Variants in CASR observed in about 807,000 individuals in gnomAD.
CASR encodes calcium sensing receptor.
A neutral mutation model predicts 69.1 loss-of-function variants in CASR; 23 were observed. The ratio of observed to expected loss-of-function variants is 0.33; its 90% CI spans 0.24 to 0.47. The LOEUF (loss-of-function observed/expected upper bound fraction) is 0.47. Among genes scored for constraint, CASR ranks in the 20% least tolerant of loss-of-function variants. The pLI is 1.00. For missense variants in CASR, 924 were observed against 1,356.1 expected (o/e 0.68, Z 5.00); for synonymous variants, 541 against 544.7 (o/e 0.99, Z 0.10).
At chr3:122,263,503 C>T (rs1443029766) in intron 4 of CASR, among the ~76,000 whole-genome samples, 2 of 152,158 alleles carry the variant, frequency 1.3e-5, no homozygotes, top group African/African-American at 2.4e-5. Context: ...TCTAATTAAT[C>T]CATGAATTAG....
intron 6 of CASR, among the ~76,000 whole-genome samples, chr3:122,282,867 C>T (rs1253443761): frequency 6.6e-6 from 1 of 152,224 alleles, no homozygotes; most frequent in Admixed American, 6.5e-5. Flanking sequence ...GAAACTGAGG[C>T]TCTGAGAGGT....
At chr3:122,241,828 A>G (rs1346992646) in intron 1 of CASR, among the ~76,000 whole-genome samples, 1 of 152,178 alleles carries the variant, frequency 6.6e-6, no homozygotes, top group Admixed American at 6.5e-5. Flanking sequence ...AATATCATTC[A>G]TCATGACCAA....
intron 1 of CASR, among the ~76,000 whole-genome samples, chr3:122,242,551 C>A (rs2074388344): frequency 1.3e-5 from 2 of 152,090 alleles, no homozygotes; most frequent in African/African-American, 4.8e-5. Flanking sequence ...GAAATATATT[C>A]CATATTCATG....
At chr3:122,192,434 C>A (rs1026729579) in intron 1 of CASR, among the ~76,000 whole-genome samples, 1 of 152,166 alleles carries the variant, frequency 6.6e-6, no homozygotes, top group Non-Finnish European at 1.5e-5. Flanking sequence ...TAAATAGCAA[C>A]AAAACATCAG....
chr3:122,237,220 C>G (rs533249986), intron 1 of CASR, among the ~76,000 whole-genome samples: 1 of 150,136 alleles, frequency 6.7e-6, no homozygotes, highest in Non-Finnish European at 1.5e-5. Flanking sequence ...AGCGATTCTT[C>G]TGCCTCAGCC....
At position 122,261,558 on chromosome 3, in the gene CASR, A is replaced by G. The variant is rs2107631742; in HGVS notation, c.523A>G (p.Ser175Gly). Reference protein sequence around the residue: ...VSYASSSRLLSNKNQFKSFLR... With the variant: ...VSYASSSRLLGNKNQFKSFLR... ...TTATGCCTCCTCCAGCAGACTCCTC[A>G]GCAACAAGAATCAATTCAAGTCTTT... Residue 175 changes from serine (S) to glycine (G), a missense_variant, in exon 4 of 7, where the codon AGC becomes GGC. Ser to Gly is a moderately conservative substitution (Grantham distance 56). Transcript: ENST00000639785. The G allele has an allele frequency of 1.2e-6, 2 of 1,614,218 alleles. No homozygotes were observed. Among genetic ancestry groups the G allele is most frequent in the Non-Finnish European group, 1.7e-6 (2 of 1,180,036 alleles).
At chr3:122,259,149 T>C (rs2074590737) in intron 3 of CASR, among the ~76,000 whole-genome samples, 2 of 152,140 alleles carry the variant, frequency 1.3e-5, no homozygotes, top group Non-Finnish European at 2.9e-5. Flanking sequence ...CACTTTAGAG[T>C]TGCTTTTTAA....
intron 1 of CASR, among the ~76,000 whole-genome samples, chr3:122,228,490 A>G (rs1472734523): frequency 6.6e-6 from 1 of 152,194 alleles, no homozygotes; most frequent in East Asian, 1.9e-4. Context: ...AAGTAGTATT[A>G]ACCAGGTGCA....
chr3:122,243,740 G>A (rs533066598), intron 1 of CASR, among the ~76,000 whole-genome samples: 145 of 152,166 alleles, frequency 9.5e-4, no homozygotes, highest in Admixed American at 1.8e-3. Flanking sequence ...GTTTGTTGCA[G>A]CAGTATTCAC....
intron 1 of CASR, among the ~76,000 whole-genome samples, chr3:122,188,686 T>C (rs2073811071): frequency 1.3e-5 from 2 of 152,218 alleles, no homozygotes; most frequent in African/African-American, 2.4e-5. Flanking sequence ...CTATTTGTCA[T>C]TGCCTTGAAG....
At chr3:122,215,501 A>G (rs2074109284) in intron 1 of CASR, among the ~76,000 whole-genome samples, 1 of 152,238 alleles carries the variant, frequency 6.6e-6, no homozygotes, top group Admixed American at 6.5e-5. Context: ...AAAGTGAAGC[A>G]CAGATTATTA....
intron 4 of CASR, among the ~76,000 whole-genome samples, chr3:122,266,761 T>C (rs13088036): frequency 0.56 from 85,842 of 151,934 alleles, 26,591 homozygotes; most frequent in Middle Eastern, 0.74. Context: ...TCTCAACACT[T>C]TGGGAGGCCA....
chr3:122,257,439 G>C (rs748838074), intron 3 of CASR, 52 bp downstream of exon 3: 15 of 1,391,622 alleles, frequency 1.1e-5, no homozygotes, highest in South Asian at 1.0e-4. Flanking sequence ...GAAGAAGCAG[G>C]CTTGGGGGTG....
rs188042080 is a variant in CASR at position 122,222,515 on chromosome 3, A to G, written c.-242-31433A>G. On this transcript the variant is annotated intron_variant, in intron 1 of 6. Transcript: ENST00000639785. ...ATAATCCTTTCTTAGTAGTAGTAAT[A>G]ATAAAGGATTCAATTCAACAAGAAG... Among the ~76,000 whole-genome samples, 490 of 152,326 alleles carry G rather than the reference A, an allele frequency of 3.2e-3. 2 individuals are homozygous for G. The highest frequency in any genetic ancestry group is 0.028 in the South Asian group (135 of 4,832).
intron 5 of CASR, among the ~76,000 whole-genome samples, chr3:122,277,009 CT>C (rs34377032): frequency 0.56 from 84,569 of 150,186 alleles, 26,181 homozygotes; most frequent in Middle Eastern, 0.74. Context: ...TTGCATTTGC[CT>C]TTTTTATTAT....
At chr3:122,207,097 A>G (rs552585075) in intron 1 of CASR, among the ~76,000 whole-genome samples, 1 of 151,702 alleles carries the variant, frequency 6.6e-6, no homozygotes, top group South Asian at 2.1e-4. Flanking sequence ...TCTTTCCATT[A>G]ATTTGGGGTT....
At position 122,262,406 on chromosome 3, in the gene CASR, G is replaced by A. The variant is rs766477389; in HGVS notation, c.1371G>A (p.Ala457=). ...GTGCAGACATCAAGAAAGTTGAGGC[G>A]TGGCAGGTGCGTCCTTCACTTATAT... ...GSCADIKKVE[A]WQVLKHLRHL... is the part of the protein sequence containing the mutation. The change falls in exon 4 of 7, where the codon GCG becomes GCA. Residue 457 remains alanine (A), a synonymous_variant. Transcript: ENST00000639785. The A allele has an allele frequency of 6.8e-6, 11 of 1,611,784 alleles. No homozygotes were observed. In the East Asian group the frequency reaches 1.3e-4, roughly 20 times the overall value.
chr3:122,214,535 A>G (rs2074097956), intron 1 of CASR, among the ~76,000 whole-genome samples: 2 of 152,348 alleles, frequency 1.3e-5, no homozygotes, highest in South Asian at 2.1e-4. Flanking sequence ...TGGATACAGA[A>G]GCAGGCAGAT....
Position 122,257,987 on chromosome 3 carries a change from C to T in CASR, c.492+600C>T, listed in dbSNP as rs551785015. Reference sequence around the variant, plus strand: ...CTTAGCCTAGGTGGAGAGATGGTTGCGTTTCCATTTACTAACAGTTTATTG... The same window carrying T: ...CTTAGCCTAGGTGGAGAGATGGTTGTGTTTCCATTTACTAACAGTTTATTG... On this transcript the variant is annotated intron_variant, in intron 3 of 6. Transcript: ENST00000639785. Among the ~76,000 whole-genome samples, 7 of 152,298 alleles carry T rather than the reference C, an allele frequency of 4.6e-5. No homozygotes were observed. In the South Asian group the frequency reaches 6.2e-4, roughly 14 times the overall value.
Sources: gnomAD v4.1 joint callset for allele counts (sites outside exome capture counted in the v4.1 genomes callset) on GRCh38, gnomAD v4.1.1 for gene constraint, MANE v1.5 for transcripts, NCBI Gene and HGNC (gene_info 2026-07-23, HGNC 2026-07-21) for gene names.